GPC6: variants seen among roughly 807,000 people sequenced by gnomAD.
GPC6 encodes glypican 6.
In GPC6, 14 loss-of-function variants were observed where a neutral mutation model predicts 55.2. The observed-to-expected ratio is 0.25, with a 90% CI of 0.17 to 0.40. The LOEUF is 0.40. Ranked by LOEUF, GPC6 falls within the 10% of genes least tolerant of loss-of-function variation. The pLI is 1.00. For synonymous variants in GPC6, 278 were observed against 259.6 expected (o/e 1.07, Z -0.68); for missense variants, 641 against 708.5 (o/e 0.90, Z 1.08).
At chr13:93,616,681 A>G (rs1211278818) in intron 2 of GPC6, among the ~76,000 whole-genome samples, 1 of 152,098 alleles carries the variant, frequency 6.6e-6, no homozygotes, top group Non-Finnish European at 1.5e-5. Flanking sequence ...TATATCAGTC[A>G]TTTCTTGAAG....
intron 4 of GPC6, among the ~76,000 whole-genome samples, chr13:94,038,590 C>T (rs1355828018): frequency 2.0e-5 from 3 of 151,900 alleles, no homozygotes; most frequent in African/African-American, 7.2e-5. Context: ...ATAATTTAAC[C>T]TGCATAAATC....
intron 2 of GPC6, among the ~76,000 whole-genome samples, chr13:93,787,053 C>A (rs1417465964): frequency 6.6e-6 from 1 of 152,128 alleles, no homozygotes; most frequent in Non-Finnish European, 1.5e-5. Flanking sequence ...GATCACACAG[C>A]AATGATATCT....
At chr13:94,385,460 A>G (rs1166334951) in intron 7 of GPC6, among the ~76,000 whole-genome samples, 1 of 152,194 alleles carries the variant, frequency 6.6e-6, no homozygotes, top group Non-Finnish European at 1.5e-5. Context: ...AGGTGGGAAA[A>G]TGATCCAGTT....
intron 2 of GPC6, among the ~76,000 whole-genome samples, chr13:93,657,719 A>G (rs896793346): frequency 1.3e-5 from 2 of 152,128 alleles, no homozygotes; most frequent in Non-Finnish European, 2.9e-5. Context: ...AAGGTCTAAT[A>G]TCCAGAATAT....
At chr13:93,536,374 T>C (rs1205524571) in intron 1 of GPC6, among the ~76,000 whole-genome samples, 1 of 152,128 alleles carries the variant, frequency 6.6e-6, no homozygotes, top group Non-Finnish European at 1.5e-5. Context: ...TCTATAATCG[T>C]TTAACAGTAA....
Position 93,661,629 on chromosome 13 carries a change from G to C in GPC6, c.319+116208G>C, listed in dbSNP as rs530792461. 2.4e-4 allele frequency among the ~76,000 whole-genome samples: 37 copies of C among 152,282 alleles called. No individual in the cohort carries two copies. The South Asian group carries it at 7.2e-3, about 30-fold the overall frequency. ...TACAAGGCTCCAGGGAAGGCTGAGT[G>C]ATAGGGTAATTTTTCTCAACTACCC... On this transcript the variant is annotated intron_variant, in intron 2 of 8. Coordinates refer to ENST00000377047, the MANE Select transcript of GPC6 (RefSeq NM_005708.5).
At chr13:93,243,137 G>A (rs1409225490) in intron 1 of GPC6, among the ~76,000 whole-genome samples, 3 of 152,154 alleles carry the variant, frequency 2.0e-5, no homozygotes, top group Admixed American at 2.0e-4. Flanking sequence ...CCTTGAGTTT[G>A]GATACCAGCA....
chr13:94,124,849 A>AT (rs1417259805), intron 4 of GPC6, among the ~76,000 whole-genome samples: 13 of 152,092 alleles, frequency 8.5e-5, no homozygotes, highest in Admixed American at 7.2e-4. Context: ...AAAGCCTATC[A>AT]TTTTTCCATT....
rs115092070 is a variant in GPC6 at position 94,276,127 on chromosome 13, G to A, written c.878-10222G>A. Among the ~76,000 whole-genome samples, 164 of 152,292 alleles carry A rather than the reference G, an allele frequency of 1.1e-3. 2 individuals are homozygous for A. Among genetic ancestry groups the A allele is most frequent in the African/African-American group, 3.5e-3 (144 of 41,566 alleles). On this transcript the variant is annotated intron_variant, in intron 4 of 8. Coordinates refer to ENST00000377047, the MANE Select transcript of GPC6 (RefSeq NM_005708.5). ...TACATGGGTTGAATTATGTACAAGG[G>A]TATTCACTGCAGCATTATTTGTAAT...
chr13:93,708,382 C>A (rs2138804826), intron 2 of GPC6, among the ~76,000 whole-genome samples: 1 of 151,854 alleles, frequency 6.6e-6, no homozygotes, highest in South Asian at 2.1e-4. Context: ...TCACATTTGC[C>A]TTACCCCAGC....
chr13:94,120,602 G>T (rs957971507), intron 4 of GPC6, among the ~76,000 whole-genome samples: 4 of 151,820 alleles, frequency 2.6e-5, no homozygotes. Flanking sequence ...TTACAACTGA[G>T]AAAACATTCT....
chr13:93,386,559 T>G (rs1875415741), intron 1 of GPC6, among the ~76,000 whole-genome samples: 1 of 152,254 alleles, frequency 6.6e-6, no homozygotes, highest in Admixed American at 6.5e-5. Flanking sequence ...AAAGAGGCTC[T>G]GACATTCTTT....
intron 1 of GPC6, among the ~76,000 whole-genome samples, chr13:93,409,488 GA>G (rs918807469): frequency 6.6e-6 from 1 of 152,072 alleles, no homozygotes; most frequent in African/African-American, 2.4e-5. Flanking sequence ...TCCCATAACT[GA>G]AAAAGGGAAG....
intron 2 of GPC6, among the ~76,000 whole-genome samples, chr13:93,726,055 G>A (rs1459446969): frequency 1.4e-5 from 2 of 145,546 alleles, no homozygotes; most frequent in African/African-American, 5.1e-5. Flanking sequence ...TTCACTTCAT[G>A]GAGGACAACA....
intron 2 of GPC6, among the ~76,000 whole-genome samples, chr13:93,559,113 A>G (rs1320788701): frequency 6.6e-6 from 1 of 152,196 alleles, no homozygotes; most frequent in Non-Finnish European, 1.5e-5. Context: ...CAAAGTGAAT[A>G]TGAACTGTGT....
At chr13:94,188,175 G>A (rs1251399470) in intron 4 of GPC6, among the ~76,000 whole-genome samples, 2 of 152,204 alleles carry the variant, frequency 1.3e-5, no homozygotes, top group East Asian at 1.9e-4. Context: ...CAGTGACCTA[G>A]AAAGGAGTGT....
intron 1 of GPC6, among the ~76,000 whole-genome samples, chr13:93,457,045 C>T (rs559020699): frequency 2.6e-5 from 4 of 152,328 alleles, no homozygotes; most frequent in Admixed American, 2.6e-4. Context: ...CTCTCATTCT[C>T]TCTCCTGCCA....
chr13:93,639,222 A>G (rs1283215300), intron 2 of GPC6, among the ~76,000 whole-genome samples: 1 of 152,250 alleles, frequency 6.6e-6, no homozygotes, highest in East Asian at 1.9e-4. Flanking sequence ...GAAGTCATTG[A>G]AACTCACTGG....
chr13:93,958,681 C>CT (rs1184262528), intron 3 of GPC6, among the ~76,000 whole-genome samples: 12 of 151,944 alleles, frequency 7.9e-5, no homozygotes, highest in Non-Finnish European at 1.6e-4. Context: ...TATTTGGGCT[C>CT]TTTTTTGGTT....
Sources: gnomAD v4.1 joint callset for allele counts (sites outside exome capture counted in the v4.1 genomes callset) on GRCh38, gnomAD v4.1.1 for gene constraint, MANE v1.5 for transcripts, NCBI Gene and HGNC (gene_info 2026-07-23, HGNC 2026-07-21) for gene names.